Variants in MRC1 observed in about 807,000 individuals in gnomAD.
MRC1 encodes mannose receptor C-type 1.
A neutral mutation model predicts 102.9 loss-of-function variants in MRC1; 62 were observed. That is an observed-to-expected ratio of 0.60 (90% CI 0.49 to 0.74). The LOEUF (loss-of-function observed/expected upper bound fraction) is 0.74, where lower values mean the gene tolerates loss of function less well. Ranked by LOEUF, MRC1 falls within the 30% of genes least tolerant of loss-of-function variation. MRC1 has a pLI of 0.00. For synonymous variants in MRC1, 457 were observed against 298.4 expected, an observed-to-expected ratio of 1.53 and a Z score of -5.48; for missense variants, 1,237 against 862.8, an observed-to-expected ratio of 1.43 and a Z score of -5.43.
intron 6 of MRC1, among the ~76,000 whole-genome samples, chr10:17,848,045 AGTT>A (rs1347036922): frequency 2.0e-5 from 3 of 151,776 alleles, no homozygotes; most frequent in African/African-American, 7.3e-5. Flanking sequence ...ATGACTGAGT[AGTT>A]ACTTGTATGA....
chr10:17,904,843 C>G (rs1008680864), intron 26 of MRC1, among the ~76,000 whole-genome samples: 1 of 152,158 alleles, frequency 6.6e-6, no homozygotes, highest in Non-Finnish European at 1.5e-5. Flanking sequence ...CTACATTCCC[C>G]GGAATTTGTC....
At chr10:17,903,607 G>A (rs1424042511) in intron 26 of MRC1, among the ~76,000 whole-genome samples, 2 of 151,558 alleles carry the variant, frequency 1.3e-5, no homozygotes, top group Admixed American at 6.6e-5. Flanking sequence ...TATTGGTCAG[G>A]CTGTTTTCGA....
At chr10:17,852,515 G>C (rs1313721256) in intron 7 of MRC1, among the ~76,000 whole-genome samples, 1 of 152,066 alleles carries the variant, frequency 6.6e-6, no homozygotes, top group Admixed American at 6.6e-5. Context: ...TAAAATTTTT[G>C]TTATTTGAAA....
At position 17,840,693 on chromosome 10, in the gene MRC1, G is replaced by A; in HGVS notation, c.803G>A (p.Gly268Glu). ...TEIHEQTYLTGLTSSLTSGLW... is the reference protein window; with the variant it reads ...TEIHEQTYLTELTSSLTSGLW... ...TGTTTTGCTTTCTTTAAAAATATAGGATTAACCAGTTCCTTGACCTCAGGA... is the reference window on the plus strand; with the variant it reads ...TGTTTTGCTTTCTTTAAAAATATAGAATTAACCAGTTCCTTGACCTCAGGA... The change falls in exon 5 of 30, where the codon GGA becomes GAA. Residue 268 changes from glycine (G) to glutamate (E), a missense_variant and splice_region_variant. By Grantham distance (98) the Gly-to-Glu change is moderately conservative. Coordinates refer to ENST00000569591, the MANE Select transcript of MRC1 (RefSeq NM_002438.4). The A allele has an allele frequency of 1.3e-6, 1 of 780,756 alleles. No individual in the cohort carries two copies. The highest frequency in any genetic ancestry group is 2.4e-6 in the Non-Finnish European group (1 of 417,932). 48.4% of individuals were successfully genotyped at this position (780,756 alleles called of 1,614,324 possible).
intron 5 of MRC1, 61 bp downstream of exon 5, chr10:17,840,867 G>A: frequency 1.3e-6 from 1 of 780,184 alleles, no homozygotes; most frequent in Non-Finnish European, 2.4e-6. Context: ...ACGCCCCGAA[G>A]ACGTTTATTA....
At chr10:17,898,633 C>T (rs1287904298) in intron 24 of MRC1, among the ~76,000 whole-genome samples, 1 of 152,158 alleles carries the variant, frequency 6.6e-6, no homozygotes, top group Non-Finnish European at 1.5e-5. Flanking sequence ...ACATAGTTGC[C>T]AGTGATGGGG....
At chr10:17,892,227 C>G (rs1418561735) in intron 22 of MRC1, among the ~76,000 whole-genome samples, 1 of 152,170 alleles carries the variant, frequency 6.6e-6, no homozygotes, top group Non-Finnish European at 1.5e-5. Context: ...CTGTAAGAAT[C>G]TGGTAGGACT....
At position 17,907,627 on chromosome 10, in the gene MRC1, A is replaced by G; in HGVS notation, c.4007A>G (p.His1336Arg). The part of the protein sequence containing the change: ...SGERNDCVAL[H>R]ASSGFWSNIH... ...GAACGGAATGATTGTGTAGCTTTAC[A>G]TGCGTCTTCTGGGTTTTGGAGTAAT... Residue 1336 changes from histidine to arginine, a missense_variant, in exon 28 of 30, where the codon CAT (histidine) becomes CGT (arginine). Coordinates refer to ENST00000569591, the MANE Select transcript of MRC1 (RefSeq NM_002438.4). The G allele has an allele frequency of 3.8e-6, 3 of 780,890 alleles. No individual in the cohort carries two copies. Among genetic ancestry groups the G allele is most frequent in the Non-Finnish European group, 7.2e-6 (3 of 417,968 alleles). The allele number at this position is 780,890 out of a possible 1,614,324, so 48.4% of individuals were successfully genotyped here. A position where few individuals can be genotyped will look rare whatever the true frequency, so the allele number is the denominator to read the frequency against.
intron 9 of MRC1, among the ~76,000 whole-genome samples, chr10:17,860,056 G>A (rs1387270390): frequency 1.3e-5 from 2 of 152,024 alleles, no homozygotes; most frequent in Non-Finnish European, 2.9e-5. Context: ...GTGAGACAAA[G>A]GCCAAATACC....
chr10:17,833,657 A>T lies in MRC1; in HGVS notation c.638-18A>T. The T allele has an allele frequency of 1.3e-6, 1 of 781,084 alleles. No homozygotes were observed. Among genetic ancestry groups the T allele is most frequent in the South Asian group, 1.3e-5 (1 of 74,622 alleles). 48.4% of individuals were successfully genotyped at this position (781,084 alleles called of 1,614,324 possible). On this transcript the variant is annotated intron_variant, in intron 3 of 29. Transcript: ENST00000569591. The stretch of plus-strand genomic sequence containing the variant: ...TTCTATGCATAATGAACCAAATTCC[A>T]TCTGATTTCTTTCACAGTTGAGGGC...
rs1284815448 is a variant in MRC1, at chr10:17,902,167, C to T, written c.3799+45C>T. 6 of 754,400 alleles carry T rather than the reference C, an allele frequency of 8.0e-6. No individual in the cohort carries two copies. The East Asian group carries it at 1.2e-4, about 15-fold the overall frequency. 46.7% of individuals were successfully genotyped at this position (754,400 alleles called of 1,614,324 possible). On this transcript the variant is annotated intron_variant, in intron 26 of 29. Coordinates refer to ENST00000569591, the MANE Select transcript of MRC1 (RefSeq NM_002438.4). ...AAGGAAAACTCCATAATCATCTATT[C>T]TGGGGTCCACTGACACTATACATGA...
At position 17,861,440 on chromosome 10, in the gene MRC1, A is replaced by G. The variant is rs1833182885; in HGVS notation, c.1572A>G (p.Thr524=). Residue 524 remains threonine, a synonymous_variant, in exon 10 of 30, where the codon ACA becomes ACG. Transcript: ENST00000569591. ...YCYMIGHTLS[T]FAEANQTCNN... is the part of the protein sequence containing the mutation. ...ATATGATTGGACATACGCTTTCAAC[A>G]TTTGCAGAAGCAAACCAAACCTGTA... 1.1e-6 allele frequency: 1 copy of G among 872,536 alleles called. No individual in the cohort carries two copies. Among genetic ancestry groups the G allele is most frequent in the Non-Finnish European group, 2.0e-6 (1 of 501,414 alleles). 54.0% of individuals were successfully genotyped at this position (872,536 alleles called of 1,614,324 possible).
chr10:17,879,621 C>T (rs1833485161), intron 18 of MRC1, 100 bp from the exon 19 acceptor site: 3 of 779,876 alleles, frequency 3.8e-6, no homozygotes, highest in Non-Finnish European at 7.2e-6. Context: ...CCTCGGCCTC[C>T]CATGGTGCTG....
rs1833871456 is a variant in MRC1, at chr10:17,904,547, G to T, written c.3800-2339G>T. 2.0e-5 allele frequency among the ~76,000 whole-genome samples: 3 copies of T among 152,126 alleles called. No homozygotes were observed. The South Asian group carries it at 6.2e-4, about 32-fold the overall frequency. On this transcript the variant is annotated intron_variant, in intron 26 of 29. Coordinates refer to ENST00000569591, the MANE Select transcript of MRC1 (RefSeq NM_002438.4). ...AGATTTTAAGACTTTCTGTCTTTTGGTAGTTTTATCGTGATGTGTATACAT... is the reference window on the plus strand; with the variant it reads ...AGATTTTAAGACTTTCTGTCTTTTGTTAGTTTTATCGTGATGTGTATACAT...
At chr10:17,852,898 G>A (rs1389638819) in intron 7 of MRC1, 69 bp from the exon 8 acceptor site, 20 of 779,918 alleles carry the variant, frequency 2.6e-5, no homozygotes, top group Non-Finnish European at 3.8e-5. Flanking sequence ...AGTGCCTTCC[G>A]TTCCTTTTAC....
intron 1 of MRC1, among the ~76,000 whole-genome samples, chr10:17,821,663 G>C (rs1053721287): frequency 6.6e-6 from 1 of 152,048 alleles, no homozygotes; most frequent in South Asian, 2.1e-4. Context: ...TTAAGCTTAT[G>C]GGTCTAGAAC....
chr10:17,835,433 A>G (rs1405821462), intron 4 of MRC1, among the ~76,000 whole-genome samples: 2 of 152,212 alleles, frequency 1.3e-5, no homozygotes, highest in Non-Finnish European at 2.9e-5. Context: ...CATGCAGCTT[A>G]AAAGTCCAAT....
At chr10:17,878,414 A>C (rs929367801) in intron 18 of MRC1, among the ~76,000 whole-genome samples, 120 of 152,314 alleles carry the variant, frequency 7.9e-4, no homozygotes, top group African/African-American at 2.8e-3. Flanking sequence ...AATCTGCAGG[A>C]AATACATTCC....
At chr10:17,820,319 T>A (rs1432570567) in intron 1 of MRC1, among the ~76,000 whole-genome samples, 8 of 151,978 alleles carry the variant, frequency 5.3e-5, no homozygotes, top group African/African-American at 1.7e-4. Flanking sequence ...GACTCCTAGG[T>A]TTTTAGCTTA....
Sources: gnomAD v4.1 joint callset for allele counts (sites outside exome capture counted in the v4.1 genomes callset) on GRCh38, gnomAD v4.1.1 for gene constraint, MANE v1.5 for transcripts, NCBI Gene and HGNC (gene_info 2026-07-23, HGNC 2026-07-21) for gene names.